Variants in CASZ1 observed in about 807,000 individuals in gnomAD.
The protein encoded by CASZ1 is castor zinc finger 1.
Under a neutral mutation model 135.2 loss-of-function variants are expected in CASZ1, and 28 were observed. The observed-to-expected ratio is 0.21, with a 90% confidence interval of 0.15 to 0.28. The LOEUF is 0.28. CASZ1 is among the 10% of genes least tolerant of loss of function. CASZ1 has a pLI of 1.00. For synonymous variants in CASZ1, 1,068 were observed against 1,073.4 expected (o/e 0.99, Z 0.10); for missense variants, 2,161 against 2,453.3 (o/e 0.88, Z 2.52).
Position 10,666,577 on chromosome 1 carries a change from G to A in CASZ1, c.17-1006C>T, listed in dbSNP as rs934568400. On this transcript the variant is annotated intron_variant, in intron 4 of 20. Transcript: ENST00000377022. This position sits in a 1 kb window ranked among gnomAD's most constrained non-coding sequence, Gnocchi z 5.2. ...CCCTCACGGAACGCCCCGAAGCGCCGGTCACAGCACCTAATCCCCGAATGT... is the reference window on the plus strand; with the variant it reads ...CCCTCACGGAACGCCCCGAAGCGCCAGTCACAGCACCTAATCCCCGAATGT... 6.6e-6 allele frequency among the ~76,000 whole-genome samples: 1 copy of A among 152,150 alleles called. No homozygotes were observed. The highest frequency in any genetic ancestry group is 1.5e-5 in the Non-Finnish European group (1 of 68,018).
chr1:10,779,452 C>T (rs1640723161), intron 1 of CASZ1, among the ~76,000 whole-genome samples: 2 of 152,134 alleles, frequency 1.3e-5, no homozygotes, highest in Admixed American at 6.5e-5. Context: ...CTGCGGGGGC[C>T]GTGGGTGCAG....
chr1:10,653,550 G>A lies in CASZ1; in HGVS notation c.2507C>T (p.Thr836Ile), dbSNP rs754052377. The change falls in exon 11 of 21, where the codon ACA becomes ATA. Residue 836 changes from threonine to isoleucine, a missense_variant. Around this residue, in one of 7 missense-constraint regions of CASZ1, gnomAD observed 406 missense variants for 387.6 expected, o/e 1.05. Transcript: ENST00000377022. ...AGCTCCCGAGGCGACCAGCGTGGGT[G>A]TGTCAGGGGTGGCTGAGGCTGCTGA... The part of the protein sequence containing the change: ...SGSAASATPD[T>I]PTLVASGAGD... 1.3e-5 allele frequency: 21 copies of A among 1,586,658 alleles called. No individual in the cohort carries two copies. Among genetic ancestry groups the A allele is most frequent in the Admixed American group, 1.7e-5 (1 of 58,316 alleles).
chr1:10,660,240 C>T lies in CASZ1; in HGVS notation c.802G>A (p.Glu268Lys). The change falls in exon 6 of 21, where the codon GAG becomes AAG. Residue 268 changes from glutamate to lysine, a missense_variant. Coordinates refer to ENST00000377022, the MANE Select transcript of CASZ1 (RefSeq NM_001079843.3). Reference protein sequence around the residue: ...STKTEERVGKEVVGTLPGLRL... With the variant: ...STKTEERVGKKVVGTLPGLRL... ...AGGCCGGGCAGGGTGCCCACCACCTCCTTGCCCACCCGCTCCTCGGTCTTG... is the reference window on the plus strand; with the variant it reads ...AGGCCGGGCAGGGTGCCCACCACCTTCTTGCCCACCCGCTCCTCGGTCTTG... 6.2e-7 allele frequency: 1 copy of T among 1,613,382 alleles called. No homozygotes were observed. Among genetic ancestry groups the T allele is most frequent in the South Asian group, 1.1e-5 (1 of 91,066 alleles).
In CASZ1 at chr1:10,660,348, T is replaced by C; in HGVS notation, c.694A>G (p.Lys232Glu). 6.2e-7 allele frequency: 1 copy of C among 1,614,158 alleles called. No individual in the cohort carries two copies. The highest frequency in any genetic ancestry group is 8.5e-7 in the Non-Finnish European group (1 of 1,180,014). The change falls in exon 6 of 21, where the codon AAG becomes GAG. Residue 232 changes from lysine to glutamate, a missense_variant. Coordinates refer to ENST00000377022, the MANE Select transcript of CASZ1 (RefSeq NM_001079843.3). ...TCATACTTAGAGAACCGCGCCCGCT[T>C]GCTGAGGGTATCCTCGGAGGTGGGC... ...MLPTSEDTLS[K>E]RARFSKYEEY...
intron 5 of CASZ1, 95 bp downstream of exon 5, chr1:10,664,988 G>A (rs528184932): frequency 7.4e-7 from 1 of 1,343,432 alleles, no homozygotes; most frequent in East Asian, 2.7e-5. Flanking sequence ...TAGAGCAGGA[G>A]TGAGGAGTCG....
In CASZ1 at chr1:10,636,865, TG is replaced by T. The variant is rs1249781632; in HGVS notation, c.*2076del. The stretch of plus-strand genomic sequence containing the variant: ...CTATATATCTCTATATATCTATATA[TG>T]TATATACATATAGATATATACACAC... On this transcript the variant is annotated 3_prime_UTR_variant, in exon 21 of 21. Transcript: ENST00000377022. The T allele has an allele frequency of 2.0e-5, 3 of 151,960 alleles. No homozygotes were observed. Among genetic ancestry groups the T allele is most frequent in the African/African-American group, 7.3e-5 (3 of 41,356 alleles). 9.4% of individuals were successfully genotyped at this position (151,960 alleles called of 1,614,324 possible). A position where few individuals can be genotyped will look rare whatever the true frequency, so the allele number is the denominator to read the frequency against.
intron 2 of CASZ1, among the ~76,000 whole-genome samples, chr1:10,722,959 G>A (rs1420295501): frequency 6.6e-6 from 1 of 152,270 alleles, no homozygotes; most frequent in Non-Finnish European, 1.5e-5. Flanking sequence ...CACCAGTCCT[G>A]CGGGAAGGAG....
At chr1:10,681,074 A>T (rs1638401420) in intron 4 of CASZ1, among the ~76,000 whole-genome samples, 1 of 151,840 alleles carries the variant, frequency 6.6e-6, no homozygotes, top group Admixed American at 6.6e-5. Flanking sequence ...CTACTTTTTG[A>T]ATTTTTAGTA....
intron 2 of CASZ1, among the ~76,000 whole-genome samples, chr1:10,731,012 G>A (rs568909880): frequency 2.4e-4 from 36 of 152,164 alleles, no homozygotes; most frequent in East Asian, 9.7e-4. Context: ...AGGCTGAGGC[G>A]GGAGAATCAC....
chr1:10,736,920 G>T (rs1309942368), intron 2 of CASZ1, among the ~76,000 whole-genome samples: 1 of 152,216 alleles, frequency 6.6e-6, no homozygotes, highest in African/African-American at 2.4e-5. Context: ...TGGGGCCGTG[G>T]GCTGGGCTGA....
In CASZ1 at chr1:10,659,983, C is replaced by T; in HGVS notation, c.1059G>A (p.Gly353=). The part of the protein sequence containing the change: ...NVKYLHLFKP[G]EGSPDMGGAI... ...CCCCGCCCATGTCGGGGCTGCCCTC[C>T]CCGGGTTTGAAGAGGTGCAGGTACT... Residue 353 remains glycine (G), a synonymous_variant, in exon 6 of 21, where the codon GGG becomes GGA. Coordinates refer to ENST00000377022, the MANE Select transcript of CASZ1 (RefSeq NM_001079843.3). 6.2e-7 allele frequency: 1 copy of T among 1,613,710 alleles called. No homozygotes were observed. Among genetic ancestry groups the T allele is most frequent in the Non-Finnish European group, 8.5e-7 (1 of 1,179,994 alleles).
At position 10,639,260 on chromosome 1, in the gene CASZ1, G is replaced by T; in HGVS notation, c.4962C>A (p.Ala1654=). The change falls in exon 21 of 21, where the codon GCC becomes GCA. Residue 1654 remains alanine (A), a synonymous_variant. Transcript: ENST00000377022. This position sits in a 1 kb window ranked among gnomAD's most constrained non-coding sequence, Gnocchi z 4.0. ...GDAGDPGPPD[A]AAPGPREGAA... is the part of the protein sequence containing the mutation. The stretch of plus-strand genomic sequence containing the variant: ...CGCCCTCGCGCGGCCCGGGGGCGGC[G>T]GCGTCGGGCGGGCCGGGGTCGCCCG... 2.0e-6 allele frequency: 2 copies of T among 976,314 alleles called. No individual in the cohort carries two copies. Among genetic ancestry groups the T allele is most frequent in the Non-Finnish European group, 2.4e-6 (2 of 816,472 alleles). 60.5% of individuals were successfully genotyped at this position (976,314 alleles called of 1,614,324 possible).
intron 4 of CASZ1, among the ~76,000 whole-genome samples, chr1:10,688,436 G>A (rs1047607851): frequency 6.6e-6 from 1 of 152,200 alleles, no homozygotes; most frequent in East Asian, 1.9e-4. Context: ...CTTGGAGGGA[G>A]GGGGAGGACA....
intron 5 of CASZ1, 179 bp from the exon 6 acceptor site, chr1:10,660,715 T>G (rs1013023274): frequency 1.0e-5 from 6 of 575,188 alleles, no homozygotes; most frequent in Non-Finnish European, 9.2e-6. Flanking sequence ...ATTAATTTGT[T>G]TTAAAAAAAA....
In CASZ1 at chr1:10,639,027, C is replaced by CCCGCCGCCTCCG; in HGVS notation, c.5183_5194dup (p.Ala1728_Ala1731dup). The stretch of plus-strand genomic sequence containing the variant: ...CAAGGCCGGGGTCCGCGCGCCCGCG[C>CCCGCCGCCTCCG]CCGCCGCCTCCGCCGCCGCCTCGGG... On this transcript the variant is annotated inframe_insertion, in exon 21 of 21. Transcript: ENST00000377022. The surrounding 1 kb of genome is among the most constrained non-coding windows in gnomAD (Gnocchi z 4.0). The CCCGCCGCCTCCG allele has an allele frequency of 2.0e-6, 2 of 1,025,418 alleles. No homozygotes were observed. Among genetic ancestry groups the CCCGCCGCCTCCG allele is most frequent in the Non-Finnish European group, 2.4e-6 (2 of 848,428 alleles). 63.5% of individuals were successfully genotyped at this position (1,025,418 alleles called of 1,614,324 possible). A position where few individuals can be genotyped will look rare whatever the true frequency, so the allele number is the denominator to read the frequency against.
At chr1:10,684,135 G>C (rs1300343121) in intron 4 of CASZ1, among the ~76,000 whole-genome samples, 1 of 151,918 alleles carries the variant, frequency 6.6e-6, no homozygotes, top group East Asian at 1.9e-4. Context: ...GATATGTTAG[G>C]TGTGGCTCTC....
At position 10,721,965 on chromosome 1, in the gene CASZ1, T is replaced by C. The variant is rs1052215501; in HGVS notation, c.-76-16421A>G. On this transcript the variant is annotated intron_variant, in intron 2 of 20. Transcript: ENST00000377022. This position sits in a 1 kb window ranked among gnomAD's most constrained non-coding sequence, Gnocchi z 5.4. ...GTTTCTCCTGCTGTATCTTTTACCT[T>C]GAGCACCTGTTGACAGAGGCCACCT... is the stretch of plus-strand genomic sequence containing the variant. 7.9e-5 allele frequency among the ~76,000 whole-genome samples: 12 copies of C among 152,352 alleles called. No individual in the cohort carries two copies. Among genetic ancestry groups the C allele is most frequent in the African/African-American group, 2.9e-4 (12 of 41,580 alleles).
rs903747939 is a variant in CASZ1 at position 10,755,472 on chromosome 1, C to A, written c.-77+5229G>T. Among the ~76,000 whole-genome samples, 11 of 152,270 alleles carry A rather than the reference C, an allele frequency of 7.2e-5. No homozygotes were observed. The highest frequency in any genetic ancestry group is 1.3e-4 in the Non-Finnish European group (9 of 68,010). ...TCTTCGTCCACCACACCGCGTCAACCCTCCCAAATCCACGGGTTGTCCCAT... is the reference window on the plus strand; with the variant it reads ...TCTTCGTCCACCACACCGCGTCAACACTCCCAAATCCACGGGTTGTCCCAT... On this transcript the variant is annotated intron_variant, in intron 2 of 20. Coordinates refer to ENST00000377022, the MANE Select transcript of CASZ1 (RefSeq NM_001079843.3). The surrounding 1 kb of genome is among the most constrained non-coding windows in gnomAD (Gnocchi z 4.3).
chr1:10,654,693 G>T, intron 9 of CASZ1, 102 bp from the exon 10 acceptor site: 1 of 1,154,142 alleles, frequency 8.7e-7, no homozygotes, highest in Non-Finnish European at 1.2e-6. Flanking sequence ...TCCCTGCTCA[G>T]GGAAGCTTTG....
Sources: gnomAD v4.1 joint callset for allele counts (sites outside exome capture counted in the v4.1 genomes callset) on GRCh38, gnomAD v4.1.1 for gene constraint, gnomAD v4.1.1 regional missense constraint, Gnocchi (gnomAD v3.1) non-coding constraint, MANE v1.5 for transcripts, NCBI Gene and HGNC (gene_info 2026-07-23, HGNC 2026-07-21) for gene names.